The following TIMM17A variants were observed in gnomAD, a reference collection of about 807,000 sequenced individuals.
TIMM17A encodes the protein translocase of inner mitochondrial membrane 17A, also known as mitochondrial import inner membrane translocase subunit Tim17-A.
A neutral mutation model predicts 26.5 loss-of-function variants in TIMM17A; 15 were observed. The ratio of observed to expected loss-of-function variants is 0.57; its 90% CI spans 0.38 to 0.87. TIMM17A has a LOEUF of 0.87. TIMM17A is among the 40% of genes least tolerant of loss of function. The probability of loss-of-function intolerance (pLI) is 0.00; values close to 1 mark genes in which losing one functional copy is unlikely to be tolerated. For missense variants in TIMM17A, 201 were observed against 210.0 expected (o/e 0.96, Z 0.27); for synonymous variants, 80 against 70.8 (o/e 1.13, Z -0.66).
chr1:201,957,391 G>A lies in TIMM17A; in HGVS notation c.126+11G>A, dbSNP rs776450484. The A allele has an allele frequency of 6.2e-7, 1 of 1,606,624 alleles. No homozygotes were observed. Among genetic ancestry groups the A allele is most frequent in the South Asian group, 1.1e-5 (1 of 90,790 alleles). ...CGCAATTCTCCAGTGGTAAGTGGGT[G>A]AATGGTCTTATTTTATCATCACTTG... On this transcript the variant is annotated intron_variant, in intron 2 of 5. Coordinates refer to ENST00000367287, the MANE Select transcript of TIMM17A (RefSeq NM_006335.3).
intron 1 of TIMM17A, among the ~76,000 whole-genome samples, chr1:201,956,110 G>A (rs1305406810): frequency 6.6e-6 from 1 of 152,128 alleles, no homozygotes; most frequent in African/African-American, 2.4e-5. Flanking sequence ...TTCCTTCTTG[G>A]AATTCTTTCT....
intron 1 of TIMM17A, 130 bp from the exon 2 acceptor site, chr1:201,957,151 G>A: frequency 3.2e-6 from 2 of 619,654 alleles, no homozygotes; most frequent in South Asian, 2.2e-5. Flanking sequence ...CATTTTATAG[G>A]CCAAATATTT....
In TIMM17A at chr1:201,959,985, C is replaced by T. The variant is rs1682494110; in HGVS notation, c.190+2411C>T. 2.7e-5 allele frequency among the ~76,000 whole-genome samples: 4 copies of T among 149,956 alleles called. 1 individual carries two copies. The highest frequency in any genetic ancestry group is 1.3e-4 in the Admixed American group (2 of 14,934). ...CACTGTACTCCAGCCAGGGTGACAG[C>T]GAGACTCTGTCTCAAAATAAATAAA... On this transcript the variant is annotated intron_variant, in intron 3 of 5. Transcript: ENST00000367287.
At chr1:201,962,214 C>T (rs1370642843) in intron 3 of TIMM17A, 1 of 152,128 alleles carries the variant, frequency 6.6e-6, no homozygotes, top group Non-Finnish European at 1.5e-5. Flanking sequence ...CGTCATAGCT[C>T]TCTCCCAGGG....
chr1:201,956,684 G>A (rs931393980), intron 1 of TIMM17A, among the ~76,000 whole-genome samples: 6 of 152,180 alleles, frequency 3.9e-5, no homozygotes, highest in Non-Finnish European at 7.4e-5. Flanking sequence ...AAATAAGGCC[G>A]GGTGTGGTGG....
Position 201,965,420 on chromosome 1 carries a change from T to C in TIMM17A, c.320-13T>C. On this transcript the variant is annotated splice_polypyrimidine_tract_variant and intron_variant, in intron 4 of 5. Coordinates refer to ENST00000367287, the MANE Select transcript of TIMM17A (RefSeq NM_006335.3). Reference sequence around the variant, plus strand: ...TCTGTAAAAAATAATCTCTTTGTTATTAATGTCTTCAGATGGACCAGTGGC... The same window carrying C: ...TCTGTAAAAAATAATCTCTTTGTTACTAATGTCTTCAGATGGACCAGTGGC... The C allele has an allele frequency of 6.4e-7, 1 of 1,556,640 alleles. No homozygotes were observed. The highest frequency in any genetic ancestry group is 1.1e-5 in the South Asian group (1 of 89,934).
chr1:201,963,560 A>T, intron 3 of TIMM17A, 56 bp from the exon 4 acceptor site: 2 of 1,560,660 alleles, frequency 1.3e-6, no homozygotes, highest in Non-Finnish European at 1.7e-6. Flanking sequence ...ATAATATTTT[A>T]AATGGAAGAT....
Position 201,970,431 on chromosome 1 carries a change from T to C in TIMM17A, c.*877T>C, listed in dbSNP as rs1682714365. 6.6e-6 allele frequency: 1 copy of C among 152,210 alleles called. No individual in the cohort carries two copies. Among genetic ancestry groups the C allele is most frequent in the Admixed American group, 6.5e-5 (1 of 15,274 alleles). 9.4% of individuals were successfully genotyped at this position (152,210 alleles called of 1,614,324 possible). On this transcript the variant is annotated 3_prime_UTR_variant, in exon 6 of 6. Transcript: ENST00000367287. The stretch of plus-strand genomic sequence containing the variant: ...GGATGAGCACTTCAGAACAGGTCAT[T>C]TTCCTGATATTGGAAGTGACATGTG...
At chr1:201,959,744 G>A (rs1682489071) in intron 3 of TIMM17A, among the ~76,000 whole-genome samples, 1 of 152,022 alleles carries the variant, frequency 6.6e-6, no homozygotes, top group Admixed American at 6.6e-5. Context: ...GGAGGCCGAG[G>A]CAGGTGGATC....
At chr1:201,956,404 A>G (rs1157170648) in intron 1 of TIMM17A, among the ~76,000 whole-genome samples, 2 of 152,182 alleles carry the variant, frequency 1.3e-5, no homozygotes, top group African/African-American at 4.8e-5. Context: ...TCAATTTGTG[A>G]AAGTGCCCAG....
intron 3 of TIMM17A, among the ~76,000 whole-genome samples, chr1:201,958,950 A>G (rs1040896783): frequency 6.6e-6 from 1 of 152,192 alleles, no homozygotes; most frequent in Non-Finnish European, 1.5e-5. Flanking sequence ...TGTAAGAATT[A>G]TCTACCCTGG....
intron 1 of TIMM17A, among the ~76,000 whole-genome samples, chr1:201,956,866 G>T (rs1224460213): frequency 6.7e-6 from 1 of 148,958 alleles, no homozygotes; most frequent in African/African-American, 2.5e-5. Flanking sequence ...TGAGGCAGGA[G>T]AATCACTTGA....
chr1:201,957,812 T>G (rs1263169639), intron 3 of TIMM17A: 2 of 451,062 alleles, frequency 4.4e-6, no homozygotes, highest in African/African-American at 4.1e-5. Context: ...TTTTTTTTTT[T>G]TTCCTTCTCC....
intron 3 of TIMM17A, among the ~76,000 whole-genome samples, chr1:201,959,064 C>T (rs1682476356): frequency 6.6e-6 from 1 of 152,180 alleles, no homozygotes; most frequent in Admixed American, 6.5e-5. Context: ...CCCAGAACCT[C>T]TAGTATATGC....
rs570309464 is a variant in TIMM17A, at chr1:201,964,635, CTTTTTTTTTTTTTT to C, written c.320-780_320-767del. On this transcript the variant is annotated intron_variant, in intron 4 of 5. Coordinates refer to ENST00000367287, the MANE Select transcript of TIMM17A (RefSeq NM_006335.3). ...TTTATTTATTTATTTTATTTTATTT[CTTTTTTTTTTTTTT>C]TTTTTTTTTTTTTTTTTGAGACTGA... Among the ~76,000 whole-genome samples the C allele has an allele frequency of 6.6e-5, 6 of 90,964 alleles. No homozygotes were observed. The East Asian group carries it at 9.6e-4, about 15-fold the overall frequency. 59.7% of individuals were successfully genotyped at this position (90,964 alleles called of 152,430 possible). A position where few individuals can be genotyped will look rare whatever the true frequency, so the allele number is the denominator to read the frequency against.
chr1:201,955,533 G>C lies in TIMM17A; in HGVS notation c.7G>C (p.Glu3Gln). 2 of 1,614,252 alleles carry C rather than the reference G, an allele frequency of 1.2e-6. No homozygotes were observed. Among genetic ancestry groups the C allele is most frequent in the East Asian group, 2.2e-5 (1 of 44,886 alleles). Residue 3 changes from glutamate to glutamine, a missense_variant, in exon 1 of 6, where the codon GAG (glutamate) becomes CAG (glutamine). By Grantham distance (29) the Glu-to-Gln change is conservative (BLOSUM62 2). Transcript: ENST00000367287. The part of the protein sequence containing the change: ME[E>Q]YAREPCPWRI... ...TCGCGGCATTGGAGTCAAGATGGAG[G>C]AGTACGCGCGAGAGCCTTGGTGAGC... is the stretch of plus-strand genomic sequence containing the variant.
chr1:201,965,374 T>C (rs1682609792), intron 4 of TIMM17A, 59 bp from the exon 5 acceptor site: 1 of 1,201,938 alleles, frequency 8.3e-7, no homozygotes, highest in African/African-American at 1.5e-5. Context: ...TTCTTTACTA[T>C]CTCTTACAGT....
chr1:201,955,666 G>A, intron 1 of TIMM17A, 114 bp downstream of exon 1: 1 of 1,457,836 alleles, frequency 6.9e-7, no homozygotes, highest in Non-Finnish European at 9.5e-7. Context: ...TCGTCGACTT[G>A]GGCCTGGTAA....
chr1:201,967,023 A>G (rs1286051991), intron 5 of TIMM17A, among the ~76,000 whole-genome samples: 549 of 37,024 alleles, frequency 0.015, 3 homozygotes, highest in Middle Eastern at 0.037. Flanking sequence ...GTGTATATAT[A>G]TATAGTGAGG....
Sources: allele counts gnomAD v4.1 joint callset (sites outside exome capture counted in the v4.1 genomes callset), GRCh38; gene constraint gnomAD v4.1.1; transcripts MANE v1.5; gene names NCBI Gene and HGNC (gene_info 2026-07-23, HGNC 2026-07-21).